The following POMP variants were observed in gnomAD, a reference collection of about 807,000 sequenced individuals.
The protein encoded by POMP is proteasome maturation protein, also known as 2510048O06Rik.
POMP carries 12 observed loss-of-function variants against 20.6 expected under a neutral mutation model. The observed-to-expected ratio is 0.58, with a 90% CI of 0.37 to 0.94. POMP has a LOEUF of 0.94. Ranked by LOEUF, POMP falls within the 40% of genes least tolerant of loss-of-function variation. The pLI, the probability that POMP is intolerant of heterozygous loss-of-function variation, is 0.01. For missense variants in POMP, 136 were observed against 161.1 expected (o/e 0.84, Z 0.84); for synonymous variants, 53 against 55.0 (o/e 0.96, Z 0.16).
intron 3 of POMP, among the ~76,000 whole-genome samples, chr13:28,665,438 T>C (rs1845950280): frequency 6.6e-6 from 1 of 152,184 alleles, no homozygotes; most frequent in Admixed American, 6.5e-5. Context: ...AAATTCCTCA[T>C]CGATTTAAGT....
rs531435814 is a variant in POMP at position 28,659,132 on chromosome 13, C to G, written c.-53C>G. 1 of 1,571,292 alleles carries G rather than the reference C, an allele frequency of 6.4e-7. No homozygotes were observed. Among genetic ancestry groups the G allele is most frequent in the East Asian group, 2.4e-5 (1 of 41,870 alleles). On this transcript the variant is annotated 5_prime_UTR_variant, in exon 1 of 6. Coordinates refer to ENST00000380842, the MANE Select transcript of POMP (RefSeq NM_015932.6). Reference sequence around the variant, plus strand: ...AGCCCTCGGAAACGGAAGTGAGCGGCGGGGTCGACTGACGGTAACGGGGCA... The same window carrying G: ...AGCCCTCGGAAACGGAAGTGAGCGGGGGGGTCGACTGACGGTAACGGGGCA...
chr13:28,671,969 C>G (rs1345245168), intron 4 of POMP, among the ~76,000 whole-genome samples: 4 of 152,052 alleles, frequency 2.6e-5, no homozygotes, highest in African/African-American at 9.7e-5. Context: ...CCTAAGCAAC[C>G]TATTGAGTTG....
At chr13:28,664,412 C>T in intron 2 of POMP, 97 bp from the exon 3 acceptor site, 1 of 791,866 alleles carries the variant, frequency 1.3e-6, no homozygotes, top group Non-Finnish European at 2.1e-6. Context: ...CCCCAAAAAA[C>T]TCTCTCATGC....
At chr13:28,666,506 A>G (rs762559578) in intron 3 of POMP, among the ~76,000 whole-genome samples, 1 of 151,584 alleles carries the variant, frequency 6.6e-6, no homozygotes, top group Non-Finnish European at 1.5e-5. Flanking sequence ...TGAGACTTAC[A>G]TACATCTACT....
chr13:28,674,664 T>C (rs1206003365), intron 5 of POMP, among the ~76,000 whole-genome samples: 1 of 152,142 alleles, frequency 6.6e-6, no homozygotes, highest in Admixed American at 6.5e-5. Context: ...AAAAGAAGTT[T>C]AGAATTTCTT....
intron 3 of POMP, among the ~76,000 whole-genome samples, chr13:28,666,554 C>T (rs1374518744): frequency 6.6e-6 from 1 of 152,238 alleles, no homozygotes; most frequent in Non-Finnish European, 1.5e-5. Flanking sequence ...CAGCTAATGG[C>T]AGTCTCACTC....
intron 4 of POMP, among the ~76,000 whole-genome samples, chr13:28,669,245 T>A (rs1884500631): frequency 6.6e-6 from 1 of 152,232 alleles, no homozygotes; most frequent in Non-Finnish European, 1.5e-5. Flanking sequence ...CCACTGTTTC[T>A]GTCTCCCATG....
chr13:28,678,867 T>C lies in POMP; in HGVS notation c.*765T>C, dbSNP rs1021750148. On this transcript the variant is annotated 3_prime_UTR_variant, in exon 6 of 6. Coordinates refer to ENST00000380842, the MANE Select transcript of POMP (RefSeq NM_015932.6). ...ATAAAAATTTACATTTTTAGAACAT[T>C]AGTGAATGGATCATCTTTTACAATT... 1 of 152,190 alleles carries C rather than the reference T, an allele frequency of 6.6e-6. No homozygotes were observed. Among genetic ancestry groups the C allele is most frequent in the African/African-American group, 2.4e-5 (1 of 41,456 alleles). 9.4% of individuals were successfully genotyped at this position (152,190 alleles called of 1,614,324 possible).
Position 28,659,135 on chromosome 13 carries a change from G to T in POMP, c.-50G>T, listed in dbSNP as rs766897923. On this transcript the variant is annotated 5_prime_UTR_variant, in exon 1 of 6. Transcript: ENST00000380842. ...CCTCGGAAACGGAAGTGAGCGGCGG[G>T]GTCGACTGACGGTAACGGGGCAGAG... The T allele has an allele frequency of 6.4e-7, 1 of 1,574,706 alleles. No homozygotes were observed. Among genetic ancestry groups the T allele is most frequent in the Non-Finnish European group, 8.6e-7 (1 of 1,160,632 alleles).
intron 4 of POMP, among the ~76,000 whole-genome samples, chr13:28,670,520 C>T (rs531587417): frequency 6.6e-6 from 1 of 152,306 alleles, no homozygotes; most frequent in South Asian, 2.1e-4. Context: ...CTTTGTAAAA[C>T]ACAGATTTGA....
At chr13:28,678,003 C>T (rs199969217) in intron 5 of POMP, 32 bp from the exon 6 acceptor site, 1 of 1,600,634 alleles carries the variant, frequency 6.2e-7, no homozygotes, top group South Asian at 1.1e-5. Flanking sequence ...TTTTGAGAGT[C>T]TTTTAAAATG....
chr13:28,662,009 T>C (rs1754953), intron 1 of POMP, among the ~76,000 whole-genome samples: 6,775 of 152,288 alleles, frequency 0.044, 507 homozygotes, highest in African/African-American at 0.15. Flanking sequence ...ATAAAACCCA[T>C]ATTTCTTTGC....
intron 5 of POMP, 138 bp downstream of exon 5, chr13:28,672,570 G>A (rs2137798162): frequency 1.4e-6 from 1 of 737,198 alleles, no homozygotes; most frequent in South Asian, 1.4e-5. Context: ...TTAAGATAAA[G>A]TTTAATGGTA....
At chr13:28,674,455 C>T (rs780644125) in intron 5 of POMP, among the ~76,000 whole-genome samples, 1 of 152,180 alleles carries the variant, frequency 6.6e-6, no homozygotes, top group Non-Finnish European at 1.5e-5. Context: ...GGAAAGATAG[C>T]CTAGAACAAA....
At chr13:28,668,285 G>A (rs897911595) in intron 3 of POMP, among the ~76,000 whole-genome samples, 188 bp from the exon 4 acceptor site, 4 of 152,128 alleles carry the variant, frequency 2.6e-5, no homozygotes, top group Non-Finnish European at 4.4e-5. Context: ...ACACCTGCAT[G>A]CTAAATGAAA....
At position 28,672,173 on chromosome 13, in the gene POMP, T is replaced by C. The variant is rs2137797830; in HGVS notation, c.265-166T>C. Reference sequence around the variant, plus strand: ...ATTTCAGTGTCTTTACAACTTAGTTTGTGTCTAAAATATGAACTAGTGTTT... The same window carrying C: ...ATTTCAGTGTCTTTACAACTTAGTTCGTGTCTAAAATATGAACTAGTGTTT... On this transcript the variant is annotated intron_variant, in intron 4 of 5. Transcript: ENST00000380842. Among the ~76,000 whole-genome samples the C allele has an allele frequency of 2.0e-5, 3 of 152,380 alleles. No individual in the cohort carries two copies. The Middle Eastern group carries it at 0.01, about 518-fold the overall frequency.
At chr13:28,673,320 C>T (rs1195533742) in intron 5 of POMP, among the ~76,000 whole-genome samples, 7 of 152,134 alleles carry the variant, frequency 4.6e-5, no homozygotes, top group African/African-American at 1.2e-4. Context: ...CTGCCCGCCT[C>T]GGCCTCCCAA....
At chr13:28,663,522 C>A (rs1404976975) in intron 2 of POMP, among the ~76,000 whole-genome samples, 1 of 152,104 alleles carries the variant, frequency 6.6e-6, no homozygotes, top group African/African-American at 2.4e-5. Context: ...GTTGGTCAGG[C>A]TGGCCTTGAA....
chr13:28,662,306 T>A, intron 1 of POMP, 104 bp from the exon 2 acceptor site: 1 of 789,896 alleles, frequency 1.3e-6, no homozygotes, highest in South Asian at 1.6e-5. Flanking sequence ...TTTGAGGGCC[T>A]CTTATTTTTC....
Sources: allele counts gnomAD v4.1 joint callset (sites outside exome capture counted in the v4.1 genomes callset), GRCh38; gene constraint gnomAD v4.1.1; transcripts MANE v1.5; gene names NCBI Gene and HGNC (gene_info 2026-07-23, HGNC 2026-07-21).